SLC60A1: variants seen among roughly 807,000 people sequenced by gnomAD.
The protein encoded by SLC60A1 is solute carrier family 60 member 1, also known as major facilitator superfamily domain containing 4.
the SLC60A1 span, chr1:205,592,368 CTTTTT>C: frequency 7.6e-5 from 31 of 405,266 alleles, no homozygotes; most frequent in Admixed American, 1.5e-4. Flanking sequence ...TCTCTGTGCT[CTTTTT>C]TTTTTTTTTT....
chr1:205,594,413 T>G, the SLC60A1 span, among the ~76,000 whole-genome samples: 1 of 152,198 alleles, frequency 6.6e-6, no homozygotes, highest in Non-Finnish European at 1.5e-5. Flanking sequence ...CCCAGCACTT[T>G]GGGAGGCTGA....
the SLC60A1 span, chr1:205,592,035 C>T: frequency 6.7e-7 from 1 of 1,492,394 alleles, no homozygotes; most frequent in South Asian, 1.3e-5. Flanking sequence ...GCTCCTTGGG[C>T]TAGAGAGGAA....
the SLC60A1 span, among the ~76,000 whole-genome samples, chr1:205,590,289 G>A: frequency 1.1e-4 from 17 of 152,260 alleles, no homozygotes; most frequent in East Asian, 3.1e-3. Context: ...TGAACAGAGG[G>A]GAAAGCAAGA....
At chr1:205,582,879 C>G in the SLC60A1 span, among the ~76,000 whole-genome samples, 2 of 152,178 alleles carry the variant, frequency 1.3e-5, no homozygotes, top group African/African-American at 4.8e-5. Context: ...CTGGTGAGAG[C>G]CAGCCTGCCT....
At chr1:205,597,380 T>TG in the SLC60A1 span, among the ~76,000 whole-genome samples, 1 of 57,172 alleles carries the variant, frequency 1.7e-5, no homozygotes, top group African/African-American at 7.3e-5. Flanking sequence ...GTTGTTTTTT[T>TG]TTTTTTTTTT....
At chr1:205,592,138 A>G in the SLC60A1 span, 1 of 1,613,836 alleles carries the variant, frequency 6.2e-7, no homozygotes, top group Non-Finnish European at 8.5e-7. Flanking sequence ...CTGCCGCGAC[A>G]GGTTGGCGTG....
chr1:205,593,785 CCT>C, the SLC60A1 span, among the ~76,000 whole-genome samples: 36 of 152,020 alleles, frequency 2.4e-4, no homozygotes, highest in African/African-American at 8.7e-4. Context: ...TGAAAATAAC[CCT>C]CTTAGCAGTT....
At chr1:205,599,041 C>A in the SLC60A1 span, 5 of 1,538,094 alleles carry the variant, frequency 3.3e-6, no homozygotes, top group Non-Finnish European at 4.4e-6. Context: ...AGCTGAAAAA[C>A]CAGCCAAGGA....
At chr1:205,584,218 A>AT in the SLC60A1 span, 75,962 of 788,510 alleles carry the variant, frequency 0.096, 77 homozygotes, top group South Asian at 0.13. Flanking sequence ...ATCACAGGTG[A>AT]TTTTTTTTTT....
At chr1:205,580,018 T>A in the SLC60A1 span, 1 of 1,502,330 alleles carries the variant, frequency 6.7e-7, no homozygotes, top group Non-Finnish European at 9.0e-7. The surrounding 1 kb of genome is among the most constrained non-coding windows in gnomAD (Gnocchi z 5.0). Flanking sequence ...GCCCCCTCAG[T>A]CTCTCCCAGC....
At chr1:205,572,317 C>T in the SLC60A1 span, among the ~76,000 whole-genome samples, 12 of 152,070 alleles carry the variant, frequency 7.9e-5, no homozygotes, top group Non-Finnish European at 1.8e-4. Flanking sequence ...ATCTCGAAGG[C>T]GTCAGCATAG....
At chr1:205,572,324 A>G in the SLC60A1 span, among the ~76,000 whole-genome samples, 1 of 152,176 alleles carries the variant, frequency 6.6e-6, no homozygotes, top group Admixed American at 6.5e-5. Context: ...AGGCGTCAGC[A>G]TAGGTAAACA....
the SLC60A1 span, chr1:205,586,075 G>A: frequency 1.9e-6 from 3 of 1,612,606 alleles, no homozygotes; most frequent in Non-Finnish European, 2.5e-6. Context: ...CTGTGGAGAA[G>A]CCCCTGTCTG....
At chr1:205,595,959 G>A in the SLC60A1 span, among the ~76,000 whole-genome samples, 1 of 152,118 alleles carries the variant, frequency 6.6e-6, no homozygotes, top group Non-Finnish European at 1.5e-5. Flanking sequence ...GAGGGGATGG[G>A]ATGTGAGCTG....
chr1:205,573,328 G>A, the SLC60A1 span, among the ~76,000 whole-genome samples: 1 of 152,150 alleles, frequency 6.6e-6, no homozygotes, highest in African/African-American at 2.4e-5. Flanking sequence ...GCTGAGGCAG[G>A]AGAATCGCTT....
At chr1:205,595,514 A>C in the SLC60A1 span, among the ~76,000 whole-genome samples, 56 of 151,564 alleles carry the variant, frequency 3.7e-4, no homozygotes, top group African/African-American at 1.4e-3. Flanking sequence ...TTTTGTACCT[A>C]GGTTATCTGC....
At chr1:205,587,417 C>G in the SLC60A1 span, among the ~76,000 whole-genome samples, 1 of 152,046 alleles carries the variant, frequency 6.6e-6, no homozygotes, top group Admixed American at 6.6e-5. Flanking sequence ...TGGATTTGAC[C>G]TCGTGCCAGT....
chr1:205,599,226 C>G, the SLC60A1 span: 1 of 1,614,116 alleles, frequency 6.2e-7, no homozygotes, highest in Non-Finnish European at 8.5e-7. Context: ...TGTTTTTCCA[C>G]AGGATGCACC....
At chr1:205,569,264 G>A in the SLC60A1 span, 1 of 1,559,318 alleles carries the variant, frequency 6.4e-7, no homozygotes, top group South Asian at 1.2e-5. Context: ...TCTGCCTCCT[G>A]CTGGGCAGCG....
Sources: gnomAD v4.1 joint callset for allele counts (sites outside exome capture counted in the v4.1 genomes callset) on GRCh38, gnomAD v4.1.1 for gene constraint, Gnocchi (gnomAD v3.1) non-coding constraint, MANE v1.5 for transcripts, NCBI Gene and HGNC (gene_info 2026-07-23, HGNC 2026-07-21) for gene names.